Variants in MUC17 observed in about 807,000 individuals in gnomAD.
MUC17 encodes mucin 17, cell surface associated, also known as mucin-17.
MUC17 carries 190 observed loss-of-function variants against 170.3 expected under a neutral mutation model. The ratio of observed to expected loss-of-function variants is 1.12; its 90% CI spans 0.99 to 1.26. The LOEUF (loss-of-function observed/expected upper bound fraction) is 1.26. Ranked by LOEUF, MUC17 falls within the 50% of genes most tolerant of loss-of-function variation. The pLI is 0.00. For missense variants in MUC17, 6,415 were observed against 5,530.0 expected (o/e 1.16, Z -5.08); for synonymous variants, 2,325 against 2,002.5 (o/e 1.16, Z -4.30).
At chr7:101,046,190 G>A (rs1335056290) in intron 3 of MUC17, among the ~76,000 whole-genome samples, 1 of 152,176 alleles carries the variant, frequency 6.6e-6, no homozygotes, top group African/African-American at 2.4e-5. Context: ...AATAGAGGCT[G>A]CATGCTGTGA....
At chr7:101,054,057 C>CAAAAAAAAAAAA (rs58623975) in intron 11 of MUC17, among the ~76,000 whole-genome samples, 7 of 40,382 alleles carry the variant, frequency 1.7e-4, no homozygotes, top group Admixed American at 5.2e-4. Flanking sequence ...AAGACCCTGT[C>CAAAAAAAAAAAA]AAAAAAAAAA....
rs547024189 is a variant in MUC17, at chr7:101,023,373, T to A, written c.82+3156T>A. Among the ~76,000 whole-genome samples the A allele has an allele frequency of 6.6e-5, 10 of 152,200 alleles. No homozygotes were observed. The East Asian group carries it at 1.9e-3, about 29-fold the overall frequency. The stretch of plus-strand genomic sequence containing the variant: ...GCATGAGGAGCAGACCTTTCAAAAT[T>A]AAAAAGAAATATTTTTGGTTTTTAT... On this transcript the variant is annotated intron_variant, in intron 1 of 12. Transcript: ENST00000306151.
In MUC17 at chr7:101,058,565, T is replaced by A. The variant is rs76925166; in HGVS notation, c.*521T>A. On this transcript the variant is annotated 3_prime_UTR_variant, in exon 13 of 13. Coordinates refer to ENST00000306151, the MANE Select transcript of MUC17 (RefSeq NM_001040105.2). The stretch of plus-strand genomic sequence containing the variant: ...AAGCTCAGAGATGTTCCTCCCCTCA[T>A]CTGCCCGGGTTCAGTACCATGGACA... The A allele has an allele frequency of 0.021, 3,261 of 152,668 alleles. 50 individuals carry two copies. The highest frequency in any genetic ancestry group is 0.027 in the Middle Eastern group (8 of 294). 9.5% of individuals were successfully genotyped at this position (152,668 alleles called of 1,614,324 possible). A position where few individuals can be genotyped will look rare whatever the true frequency, so the allele number is the denominator to read the frequency against.
Position 101,035,967 on chromosome 7 carries a change from A to T in MUC17, c.4551A>T (p.Thr1517=). 1.2e-6 allele frequency: 2 copies of T among 1,612,894 alleles called. No homozygotes were observed. ...CTAGTGAAGGAAGCACTGCATTAAC[A>T]AGTATACCTGTCAGCACCACAACAG... ...STPSEGSTAL[T]SIPVSTTTVA... is the part of the protein sequence containing the mutation. The change falls in exon 3 of 13, where the codon ACA becomes ACT. Residue 1517 remains threonine, a synonymous_variant. Transcript: ENST00000306151.
At position 101,039,579 on chromosome 7, in the gene MUC17, A is replaced by T. The variant is rs775027198; in HGVS notation, c.8163A>T (p.Thr2721=). The T allele has an allele frequency of 1.2e-6, 2 of 1,612,368 alleles. No individual in the cohort carries two copies. The highest frequency in any genetic ancestry group is 2.7e-5 in the African/African-American group (2 of 74,822). ...TLSTTPVDTS[T]PVTTSAEASS... is the part of the protein sequence containing the mutation. ...CAACAACTCCTGTTGACACCAGCAC[A>T]CCTGTCACCACTTCTGCTGAAGCCA... is the stretch of plus-strand genomic sequence containing the variant. The change falls in exon 3 of 13, where the codon ACA becomes ACT. Residue 2721 remains threonine (T), a synonymous_variant. Transcript: ENST00000306151.
Position 101,048,056 on chromosome 7 carries a change from A to G in MUC17, c.12476A>G (p.Gln4159Arg), listed in dbSNP as rs374476314. 52 of 1,607,418 alleles carry G rather than the reference A, an allele frequency of 3.2e-5. 1 individual carries two copies. In the East Asian group the frequency reaches 8.2e-4, roughly 25 times the overall value. ...NGGTWDGLKC[Q>R]CPNLYYGELC... ...GGCACCTGGGATGGGCTCAAGTGCC[A>G]GTGTCCCAACCTCTATTATGGGGAG... The change falls in exon 4 of 13, where the codon CAG becomes CGG. Residue 4159 changes from glutamine to arginine, a missense_variant. Transcript: ENST00000306151.
At position 101,037,634 on chromosome 7, in the gene MUC17, C is replaced by T; in HGVS notation, c.6218C>T (p.Thr2073Ile). Residue 2073 changes from threonine to isoleucine, a missense_variant, in exon 3 of 13, where the codon ACT (threonine) becomes ATT (isoleucine). Transcript: ENST00000306151. ...TCAACAACTCCTGTTGACTCCAAAACTCAGGTGACCAATTCTACTGAAGCC... is the reference window on the plus strand; with the variant it reads ...TCAACAACTCCTGTTGACTCCAAAATTCAGGTGACCAATTCTACTGAAGCC... ...TLSTTPVDSK[T>I]QVTNSTEASS... 4 of 1,613,734 alleles carry T rather than the reference C, an allele frequency of 2.5e-6. No homozygotes were observed. The highest frequency in any genetic ancestry group is 3.4e-6 in the Non-Finnish European group (4 of 1,179,836).
Position 101,035,326 on chromosome 7 carries a change from G to A in MUC17, c.3910G>A (p.Asp1304Asn), listed in dbSNP as rs765576551. The change falls in exon 3 of 13, where the codon GAC (aspartate) becomes AAC (asparagine). Residue 1304 changes from aspartate (D) to asparagine (N), a missense_variant. By Grantham distance (23) the Asp-to-Asn change is conservative. Coordinates refer to ENST00000306151, the MANE Select transcript of MUC17 (RefSeq NM_001040105.2). The stretch of plus-strand genomic sequence containing the variant: ...TAGCACCCTTTTAACAACTCCTGTT[G>A]ACACTAAAGGTCCTGTGGTCACTTC... ...EASTLLTTPV[D>N]TKGPVVTSNE... The A allele has an allele frequency of 2.5e-6, 4 of 1,610,520 alleles. No homozygotes were observed. The highest frequency in any genetic ancestry group is 1.7e-6 in the Non-Finnish European group (2 of 1,177,888).
chr7:101,025,724 G>A (rs752555581), intron 1 of MUC17, among the ~76,000 whole-genome samples: 1 of 151,640 alleles, frequency 6.6e-6, no homozygotes, highest in Non-Finnish European at 1.5e-5. Flanking sequence ...AACCTGGGAG[G>A]TGGAGGTTGC....
intron 1 of MUC17, among the ~76,000 whole-genome samples, chr7:101,028,094 T>TA (rs1055785066): frequency 2.2e-5 from 3 of 138,422 alleles, no homozygotes; most frequent in African/African-American, 8.7e-5. Context: ...TTTTAATTCT[T>TA]TTTTTTTTTT....
At chr7:101,053,803 C>A (rs1794999257) in intron 11 of MUC17, among the ~76,000 whole-genome samples, 1 of 151,224 alleles carries the variant, frequency 6.6e-6, no homozygotes, top group South Asian at 2.1e-4. Flanking sequence ...TCACTTGAAC[C>A]CGGGAGGCAG....
At chr7:101,053,816 G>A (rs1024244071) in intron 11 of MUC17, among the ~76,000 whole-genome samples, 3 of 150,782 alleles carry the variant, frequency 2.0e-5, no homozygotes, top group African/African-American at 7.3e-5. Context: ...GGAGGCAGAG[G>A]TTGCAGTTAG....
Position 101,040,719 on chromosome 7 carries a change from T to C in MUC17, c.9303T>C (p.Ser3101=). ...EGTSMPISTY[S]EGSTPLTGVP... ...CCAGCATGCCAATCTCAACTTATAG[T>C]GAAGGAAGCACTCCATTAACAGGTG... The change falls in exon 3 of 13, where the codon AGT becomes AGC. Residue 3101 remains serine, a synonymous_variant. Transcript: ENST00000306151. 6.2e-7 allele frequency: 1 copy of C among 1,612,870 alleles called. No individual in the cohort carries two copies. Among genetic ancestry groups the C allele is most frequent in the Non-Finnish European group, 8.5e-7 (1 of 1,179,708 alleles).
intron 1 of MUC17, among the ~76,000 whole-genome samples, chr7:101,028,350 A>G (rs1235881609): frequency 6.6e-6 from 1 of 151,890 alleles, no homozygotes; most frequent in African/African-American, 2.4e-5. Context: ...CGGCCTCTCA[A>G]AGTGCTGGGA....
rs1269720631 is a variant in MUC17, at chr7:101,039,919, GT to G, written c.8505del (p.Asp2836ThrfsTer6). 1 of 1,613,504 alleles carries G rather than the reference GT, an allele frequency of 6.2e-7. No individual in the cohort carries two copies. The highest frequency in any genetic ancestry group is 1.1e-5 in the South Asian group (1 of 91,066). On this transcript the variant is annotated frameshift_variant, in exon 3 of 13. Coordinates refer to ENST00000306151, the MANE Select transcript of MUC17 (RefSeq NM_001040105.2). LOFTEE classifies it high-confidence loss of function. ...SEAGTLSTTPVDTSTPVTTST... is the reference protein window; with the variant it reads ...SEAGTLSTTPXDTSTPVTTST... ...GGCTGGCACCCTTTCAACAACTCCT[GT>G]TGACACCAGCACACCTGTGACCACT... is the stretch of plus-strand genomic sequence containing the variant.
In MUC17 at chr7:101,047,994, T is replaced by C. The variant is rs1311550934; in HGVS notation, c.12414T>C (p.Asp4138=). The part of the protein sequence containing the change: ...TVPRTTTCFG[D]GCQNTASRCK... ...GTGATTGTTCCACAGGCTTTGGAGA[T>C]GGGTGCCAGAATACGGCCTCTCGCT... Residue 4138 remains aspartate, a synonymous_variant, in exon 4 of 13, where the codon GAT becomes GAC. Transcript: ENST00000306151. 2.5e-6 allele frequency: 4 copies of C among 1,594,486 alleles called. No individual in the cohort carries two copies. Among genetic ancestry groups the C allele is most frequent in the Non-Finnish European group, 2.6e-6 (3 of 1,172,652 alleles).
rs144105018 is a variant in MUC17 at position 101,036,772 on chromosome 7, G to A, written c.5356G>A (p.Ala1786Thr). 1.7e-5 allele frequency: 27 copies of A among 1,612,344 alleles called. No homozygotes were observed. The African/African-American group carries it at 3.0e-4, about 18-fold the overall frequency. ...CACCCCTGTGACCACTTCTACTGAA[G>A]CCACTTCGTCTCCTACAACTGCTGA... Reference protein sequence around the residue: ...TSTPVTTSTEATSSPTTAEGT... With the variant: ...TSTPVTTSTETTSSPTTAEGT... Residue 1786 changes from alanine (A) to threonine (T), a missense_variant, in exon 3 of 13, where the codon GCC (alanine) becomes ACC (threonine). Coordinates refer to ENST00000306151, the MANE Select transcript of MUC17 (RefSeq NM_001040105.2).
rs1222318503 is a variant in MUC17 at position 101,041,931 on chromosome 7, C to G, written c.10515C>G (p.Thr3505=). The G allele has an allele frequency of 6.2e-7, 1 of 1,613,312 alleles. No homozygotes were observed. The highest frequency in any genetic ancestry group is 1.3e-5 in the African/African-American group (1 of 74,530). ...TNSSPTTAEV[T]SMPTSTAGEG... is the part of the protein sequence containing the mutation. ...CATCTCCTACAACTGCTGAAGTTACCAGCATGCCAACATCAACTGCTGGTG... is the reference window on the plus strand; with the variant it reads ...CATCTCCTACAACTGCTGAAGTTACGAGCATGCCAACATCAACTGCTGGTG... The change falls in exon 3 of 13, where the codon ACC becomes ACG. Residue 3505 remains threonine, a synonymous_variant. Transcript: ENST00000306151.
Position 101,030,673 on chromosome 7 carries a change from A to G in MUC17, c.83-447A>G, listed in dbSNP as rs28485568. On this transcript the variant is annotated intron_variant, in intron 1 of 12. Transcript: ENST00000306151. ...GAACATGATCTCCTGGGCTCAAGTG[A>G]TCCTCCTGCCTCAGCCTCCTGGGTA... Among the ~76,000 whole-genome samples the G allele has an allele frequency of 3.4e-3, 522 of 152,206 alleles. 2 individuals are homozygous for G. The highest frequency in any genetic ancestry group is 0.012 in the African/African-American group (494 of 41,518).
Sources: gnomAD v4.1 joint callset for allele counts (sites outside exome capture counted in the v4.1 genomes callset) on GRCh38, gnomAD v4.1.1 for gene constraint, MANE v1.5 for transcripts, NCBI Gene and HGNC (gene_info 2026-07-23, HGNC 2026-07-21) for gene names.